The following DCLK2 variants were observed in gnomAD, a reference collection of about 807,000 sequenced individuals.
The protein encoded by DCLK2 is doublecortin like kinase 2, also known as serine/threonine-protein kinase DCLK2.
In DCLK2, 31 loss-of-function variants were observed where a neutral mutation model predicts 78.4. The observed-to-expected ratio is 0.40, with a 90% CI of 0.30 to 0.53. The LOEUF (loss-of-function observed/expected upper bound fraction) is 0.53, where lower values mean the gene tolerates loss of function less well. DCLK2 is among the 20% of genes least tolerant of loss of function. DCLK2 has a pLI of 0.61. For synonymous variants in DCLK2, 407 were observed against 374.9 expected (o/e 1.09, Z -0.99); for missense variants, 872 against 973.7 (o/e 0.90, Z 1.39).
At chr4:150,181,355 G>A (rs555856989) in intron 2 of DCLK2, among the ~76,000 whole-genome samples, 1 of 152,238 alleles carries the variant, frequency 6.6e-6, no homozygotes, top group East Asian at 1.9e-4. Flanking sequence ...AAGACTGGGG[G>A]TAGGGAGCGG....
intron 8 of DCLK2, among the ~76,000 whole-genome samples, chr4:150,228,276 G>A (rs1741767336): frequency 6.6e-6 from 1 of 152,162 alleles, no homozygotes; most frequent in African/African-American, 2.4e-5. Context: ...ATGTCTTTGT[G>A]TATCCATTAT....
chr4:150,079,353 C>T lies in DCLK2; in HGVS notation c.326C>T (p.Ser109Phe). 1 of 1,588,122 alleles carries T rather than the reference C, an allele frequency of 6.3e-7. No individual in the cohort carries two copies. Among genetic ancestry groups the T allele is most frequent in the East Asian group, 2.3e-5 (1 of 43,250 alleles). The change falls in exon 1 of 16, where the codon TCC (serine) becomes TTC (phenylalanine). Residue 109 changes from serine (S) to phenylalanine (F), a missense_variant. Physicochemically the swap from Ser to Phe is radical, Grantham distance 155. Coordinates refer to ENST00000296550, the MANE Select transcript of DCLK2 (RefSeq NM_001040260.4). ...FDALLIELTR[S>F]LSDNVNLPQG... ...GCGCTCCTCATAGAGCTCACCCGCT[C>T]CCTGTCGGACAACGTGAACCTGCCC...
intron 2 of DCLK2, among the ~76,000 whole-genome samples, chr4:150,116,486 G>C (rs1358114035): frequency 6.6e-6 from 1 of 152,164 alleles, no homozygotes; most frequent in Non-Finnish European, 1.5e-5. Flanking sequence ...TCCCCTAGAA[G>C]TAGGAGTCCC....
chr4:150,197,233 A>G (rs935206868), intron 3 of DCLK2, among the ~76,000 whole-genome samples: 4 of 152,172 alleles, frequency 2.6e-5, no homozygotes, highest in Admixed American at 2.0e-4. Flanking sequence ...ATGGAACATA[A>G]TTCAGGAGGG....
chr4:150,216,852 G>A lies in DCLK2; in HGVS notation c.1057-3851G>A, dbSNP rs1227636894. The stretch of plus-strand genomic sequence containing the variant: ...GACCTCATTAGGAAATATATCCCCC[G>A]CCCCCTTGCCACTGTTAAATACAAT... On this transcript the variant is annotated intron_variant, in intron 5 of 15. Coordinates refer to ENST00000296550, the MANE Select transcript of DCLK2 (RefSeq NM_001040260.4). Among the ~76,000 whole-genome samples the A allele has an allele frequency of 4.6e-5, 7 of 152,034 alleles. No individual in the cohort carries two copies. The South Asian group carries it at 1.0e-3, about 23-fold the overall frequency.
At chr4:150,145,022 T>C (rs1178655058) in intron 2 of DCLK2, among the ~76,000 whole-genome samples, 1 of 152,234 alleles carries the variant, frequency 6.6e-6, no homozygotes, top group Non-Finnish European at 1.5e-5. Context: ...GTTTTTCCTT[T>C]TGTATTGTTG....
Position 150,198,074 on chromosome 4 carries a change from C to T in DCLK2, c.932C>T (p.Pro311Leu), listed in dbSNP as rs1356077683. The part of the protein sequence containing the change: ...VKYSGSKSPG[P>L]SRRSKSPASV... ...TATTCTGGATCCAAAAGCCCTGGGC[C>T]CTCTCGACGCAGCAAATCACCAGCT... Residue 311 changes from proline (P) to leucine (L), a missense_variant, in exon 4 of 16, where the codon CCC (proline) becomes CTC (leucine). By Grantham distance (98) the Pro-to-Leu change is moderately conservative (BLOSUM62 -3). This residue lies in a region of DCLK2 where 567 missense variants were observed against 593.4 expected (regional missense o/e 0.96). Coordinates refer to ENST00000296550, the MANE Select transcript of DCLK2 (RefSeq NM_001040260.4). 6.2e-7 allele frequency: 1 copy of T among 1,613,668 alleles called. No individual in the cohort carries two copies. Among genetic ancestry groups the T allele is most frequent in the Non-Finnish European group, 8.5e-7 (1 of 1,179,878 alleles).
At chr4:150,091,568 C>G (rs1038040506) in intron 1 of DCLK2, among the ~76,000 whole-genome samples, 36 of 152,124 alleles carry the variant, frequency 2.4e-4, no homozygotes, top group African/African-American at 8.7e-4. Context: ...AAATTTTATA[C>G]AACTCAATAT....
chr4:150,142,711 G>A (rs1734194534), intron 2 of DCLK2, among the ~76,000 whole-genome samples: 1 of 152,076 alleles, frequency 6.6e-6, no homozygotes, highest in Admixed American at 6.6e-5. Flanking sequence ...TAACAAACAC[G>A]AGAATCCCTA....
chr4:150,249,683 T>C lies in DCLK2; in HGVS notation c.2072T>C (p.Met691Thr), dbSNP rs760016722. 1 of 1,612,712 alleles carries C rather than the reference T, an allele frequency of 6.2e-7. No individual in the cohort carries two copies. Among genetic ancestry groups the C allele is most frequent in the Non-Finnish European group, 8.5e-7 (1 of 1,179,310 alleles). ...NSTTTGVSVIMNTALDKEGQI... is the reference protein window; with the variant it reads ...NSTTTGVSVITNTALDKEGQI... ...ACTACCACCGGGGTCTCCGTCATCA[T>C]GGTGAGTGGAAGGCGGCAGGTCTGG... Residue 691 changes from methionine (M) to threonine (T), a missense_variant and splice_region_variant, in exon 15 of 16, where the codon ATG becomes ACG. By Grantham distance (81) the Met-to-Thr change is moderately conservative (BLOSUM62 -1). Around this residue, in one of 3 missense-constraint regions of DCLK2, gnomAD observed 219 missense variants for 230.1 expected, o/e 0.95. Coordinates refer to ENST00000296550, the MANE Select transcript of DCLK2 (RefSeq NM_001040260.4).
chr4:150,230,723 A>AGG (rs1483366290), intron 8 of DCLK2, among the ~76,000 whole-genome samples: 1 of 152,150 alleles, frequency 6.6e-6, no homozygotes, highest in African/African-American at 2.4e-5. Context: ...TGCAACCATG[A>AGG]GGGGCTGGCT....
intron 3 of DCLK2, among the ~76,000 whole-genome samples, chr4:150,194,413 A>G (rs1738710725): frequency 6.6e-6 from 1 of 152,196 alleles, no homozygotes; most frequent in African/African-American, 2.4e-5. Flanking sequence ...TAAGTGACAT[A>G]TGACTATATT....
At chr4:150,205,222 C>T (rs1446974312) in intron 5 of DCLK2, among the ~76,000 whole-genome samples, 2 of 152,190 alleles carry the variant, frequency 1.3e-5, no homozygotes, top group Admixed American at 1.3e-4. Flanking sequence ...ACCTTCAGAG[C>T]AGCATGTGAG....
chr4:150,154,450 GA>G (rs1241818639), intron 2 of DCLK2, among the ~76,000 whole-genome samples: 2 of 152,282 alleles, frequency 1.3e-5, no homozygotes, highest in Non-Finnish European at 2.9e-5. Flanking sequence ...TCATAAATGT[GA>G]TTTAAGTACT....
chr4:150,200,102 A>G (rs997684065), intron 4 of DCLK2, among the ~76,000 whole-genome samples: 2 of 152,244 alleles, frequency 1.3e-5, no homozygotes, highest in East Asian at 3.8e-4. Flanking sequence ...GTCAAAAGAG[A>G]AAAATTAACA....
chr4:150,114,748 G>A (rs942634643), intron 2 of DCLK2, among the ~76,000 whole-genome samples: 1 of 152,214 alleles, frequency 6.6e-6, no homozygotes, highest in Non-Finnish European at 1.5e-5. Context: ...TTTCTGCTGA[G>A]AAGTCTTCCA....
chr4:150,111,210 G>A (rs1470236361), intron 2 of DCLK2, among the ~76,000 whole-genome samples: 1 of 152,006 alleles, frequency 6.6e-6, no homozygotes, highest in East Asian at 1.9e-4. Flanking sequence ...TGTCATTGTG[G>A]TTTTAATTTG....
chr4:150,198,875 C>T (rs1739249647), intron 4 of DCLK2, among the ~76,000 whole-genome samples: 1 of 150,482 alleles, frequency 6.6e-6, no homozygotes, highest in Non-Finnish European at 1.5e-5. Context: ...CCAAGTTTTT[C>T]AGACATTCCA....
chr4:150,256,095 C>A lies in DCLK2; in HGVS notation c.2149C>A (p.Pro717Thr). Reference sequence around the variant, plus strand: ...AGACAGCGGCAGGCCTGGGATGGAGCCCATCTCTCCAGTTCCTCCCTCAGT... The same window carrying A: ...AGACAGCGGCAGGCCTGGGATGGAGACCATCTCTCCAGTTCCTCCCTCAGT... ...CQDSGRPGME[P>T]ISPVPPSVEE... Residue 717 changes from proline to threonine, a missense_variant, in exon 16 of 16, where the codon CCC becomes ACC. Physicochemically the swap from Pro to Thr is conservative, Grantham distance 38. Coordinates refer to ENST00000296550, the MANE Select transcript of DCLK2 (RefSeq NM_001040260.4). 1 of 1,613,086 alleles carries A rather than the reference C, an allele frequency of 6.2e-7. No homozygotes were observed. The highest frequency in any genetic ancestry group is 8.5e-7 in the Non-Finnish European group (1 of 1,179,920).
Sources: allele counts gnomAD v4.1 joint callset (sites outside exome capture counted in the v4.1 genomes callset), GRCh38; gene constraint gnomAD v4.1.1; regional missense constraint gnomAD v4.1.1; transcripts MANE v1.5; gene names NCBI Gene and HGNC (gene_info 2026-07-23, HGNC 2026-07-21).